The following PPP4R2 variants were observed in gnomAD, a reference collection of about 807,000 sequenced individuals.
PPP4R2 encodes the protein serine/threonine-protein phosphatase 4 regulatory subunit 2.
A neutral mutation model predicts 47.2 loss-of-function variants in PPP4R2; 13 were observed. That is an observed-to-expected ratio of 0.28 (90% CI 0.18 to 0.44). The LOEUF is 0.44. Ranked by LOEUF, PPP4R2 falls within the 20% of genes least tolerant of loss-of-function variation. PPP4R2 has a pLI of 1.00. For missense variants in PPP4R2, 421 were observed against 491.2 expected, an observed-to-expected ratio of 0.86 and a Z score of 1.35; for synonymous variants, 151 against 163.3, an observed-to-expected ratio of 0.92 and a Z score of 0.57.
chr3:73,038,514 G>C (rs1702310879), intron 2 of PPP4R2, among the ~76,000 whole-genome samples: 1 of 152,050 alleles, frequency 6.6e-6, no homozygotes, highest in Non-Finnish European at 1.5e-5. Flanking sequence ...TCCTGCCTCA[G>C]ACTCCTGAGT....
At chr3:73,021,880 G>GTATATATATGCATA (rs1553646882) in intron 2 of PPP4R2, among the ~76,000 whole-genome samples, 1 of 135,342 alleles carries the variant, frequency 7.4e-6, no homozygotes, top group African/African-American at 2.8e-5. Context: ...GTGTGTGTGT[G>GTATATATATGCATA]TATATATGCA....
intron 2 of PPP4R2, among the ~76,000 whole-genome samples, chr3:73,024,800 T>G (rs1213776747): frequency 2.6e-5 from 4 of 152,120 alleles, no homozygotes; most frequent in Admixed American, 6.6e-5. Context: ...AATTTTTGCT[T>G]CCAAGCAGCA....
At chr3:73,065,282 C>A in intron 8 of PPP4R2, 115 bp from the exon 9 acceptor site, 1 of 1,293,058 alleles carries the variant, frequency 7.7e-7, no homozygotes, top group Non-Finnish European at 1.0e-6. Context: ...TATGTAGTTG[C>A]TGCTGAATTT....
Position 73,047,281 on chromosome 3 carries a change from C to T in PPP4R2, c.212C>T (p.Pro71Leu). ...RTSAPEPRGP[P>L]NPNVEYIPFD... ...TCAGCTCCTGAGCCAAGAGGTCCTC[C>T]CAACCCTAATGTCGAATATATTCCC... The change falls in exon 3 of 9, where the codon CCC becomes CTC. Residue 71 changes from proline to leucine, a missense_variant. Physicochemically the swap from Pro to Leu is moderately conservative, Grantham distance 98. Coordinates refer to ENST00000356692, the MANE Select transcript of PPP4R2 (RefSeq NM_174907.4). 1 of 1,611,300 alleles carries T rather than the reference C, an allele frequency of 6.2e-7. No individual in the cohort carries two copies. The highest frequency in any genetic ancestry group is 8.5e-7 in the Non-Finnish European group (1 of 1,178,280).
intron 2 of PPP4R2, among the ~76,000 whole-genome samples, chr3:73,030,767 A>G (rs772976342): frequency 4.0e-5 from 6 of 151,338 alleles, no homozygotes; most frequent in Non-Finnish European, 8.8e-5. Context: ...CAGTGGCGTG[A>G]TCTCAGTCAC....
chr3:73,010,612 G>A (rs780244118), intron 2 of PPP4R2, among the ~76,000 whole-genome samples: 32 of 151,166 alleles, frequency 2.1e-4, no homozygotes, highest in Non-Finnish European at 4.0e-4. Flanking sequence ...AGGCTGGAGT[G>A]CAGTGGTGCA....
chr3:73,027,583 A>T (rs1315730902), intron 2 of PPP4R2, among the ~76,000 whole-genome samples: 1 of 152,086 alleles, frequency 6.6e-6, no homozygotes, highest in Admixed American at 6.6e-5. Flanking sequence ...CAATCACCAG[A>T]TAATTATTGA....
At chr3:73,057,075 G>A (rs189060001) in intron 3 of PPP4R2, among the ~76,000 whole-genome samples, 1 of 152,250 alleles carries the variant, frequency 6.6e-6, no homozygotes, top group African/African-American at 2.4e-5. Flanking sequence ...GCTTAGGTGT[G>A]TTGTGTGTGT....
At chr3:73,065,277 A>T in intron 8 of PPP4R2, 120 bp from the exon 9 acceptor site, 2 of 1,283,900 alleles carry the variant, frequency 1.6e-6, no homozygotes, top group Non-Finnish European at 2.1e-6. Context: ...ACCTGTATGT[A>T]GTTGCTGCTG....
At chr3:73,062,426 T>C in intron 5 of PPP4R2, 2 of 1,611,526 alleles carry the variant, frequency 1.2e-6, no homozygotes, top group Non-Finnish European at 1.7e-6. Flanking sequence ...ACCCAGCACA[T>C]AAATCTCATT....
At position 73,064,833 on chromosome 3, in the gene PPP4R2, T is replaced by C; in HGVS notation, c.639-19T>C. 1.3e-6 allele frequency: 2 copies of C among 1,559,768 alleles called. No homozygotes were observed. The highest frequency in any genetic ancestry group is 1.7e-6 in the Non-Finnish European group (2 of 1,157,772). On this transcript the variant is annotated intron_variant, in intron 7 of 8. Coordinates refer to ENST00000356692, the MANE Select transcript of PPP4R2 (RefSeq NM_174907.4). ...GGGAAAATAATCTTATTAATGACAC[T>C]TTAAAAAAACATTTACAGTGACTCT... is the stretch of plus-strand genomic sequence containing the variant.
intron 2 of PPP4R2, among the ~76,000 whole-genome samples, chr3:73,045,935 C>G (rs1702475990): frequency 6.6e-6 from 1 of 152,156 alleles, no homozygotes; most frequent in Non-Finnish European, 1.5e-5. Context: ...TCTCATACCT[C>G]TTTGATATGC....
At chr3:73,006,751 C>T (rs867631578) in intron 2 of PPP4R2, among the ~76,000 whole-genome samples, 2 of 152,202 alleles carry the variant, frequency 1.3e-5, no homozygotes, top group Non-Finnish European at 2.9e-5. Context: ...TCACTCATTG[C>T]TAGAGTTGGC....
chr3:73,044,220 TTTG>T lies in PPP4R2; in HGVS notation c.117-2945_117-2943del, dbSNP rs35270798. On this transcript the variant is annotated intron_variant, in intron 2 of 8. Coordinates refer to ENST00000356692, the MANE Select transcript of PPP4R2 (RefSeq NM_174907.4). ...TGAATCATAGGGTGGTTTCATAATT[TTTG>T]TTGTTGTTGTTGTTGTTGTTTTTGG... is the stretch of plus-strand genomic sequence containing the variant. Among the ~76,000 whole-genome samples, 53 of 150,976 alleles carry T rather than the reference TTTG, an allele frequency of 3.5e-4. No individual in the cohort carries two copies. In the South Asian group the frequency reaches 4.4e-3, roughly 13 times the overall value.
At chr3:73,024,057 T>G (rs961449506) in intron 2 of PPP4R2, among the ~76,000 whole-genome samples, 2 of 152,072 alleles carry the variant, frequency 1.3e-5, no homozygotes, top group African/African-American at 4.8e-5. Flanking sequence ...ATATTAAAAA[T>G]AAAATAGATT....
At chr3:73,063,944 C>A in intron 6 of PPP4R2, 59 bp from the exon 7 acceptor site, 1 of 1,473,728 alleles carries the variant, frequency 6.8e-7, no homozygotes, top group Non-Finnish European at 9.3e-7. Flanking sequence ...CATCAACATA[C>A]CTTAAGAGGG....
chr3:73,021,697 A>G (rs893152311), intron 2 of PPP4R2, among the ~76,000 whole-genome samples: 3 of 152,034 alleles, frequency 2.0e-5, no homozygotes, highest in Admixed American at 2.0e-4. Context: ...TCTCATGTTT[A>G]TTAAGGTATC....
rs138971519 is a variant in PPP4R2 at position 73,059,480 on chromosome 3, A to G, written c.381+350A>G. On this transcript the variant is annotated intron_variant, in intron 4 of 8. Coordinates refer to ENST00000356692, the MANE Select transcript of PPP4R2 (RefSeq NM_174907.4). ...CTTACACATGGAATTCATTTTCTCAATTCTGGAGTTCAAAGGTACATAACT... is the reference window on the plus strand; with the variant it reads ...CTTACACATGGAATTCATTTTCTCAGTTCTGGAGTTCAAAGGTACATAACT... Among the ~76,000 whole-genome samples the G allele has an allele frequency of 3.3e-5, 5 of 152,316 alleles. No individual in the cohort carries two copies. The South Asian group carries it at 6.2e-4, about 19-fold the overall frequency.
At chr3:72,997,252 C>G in intron 1 of PPP4R2, 181 bp downstream of exon 1, 1 of 435,894 alleles carries the variant, frequency 2.3e-6, no homozygotes, top group Admixed American at 4.4e-5. Context: ...CTCTCCCGCC[C>G]CGCTCTGGCT....
Sources: allele counts gnomAD v4.1 joint callset (sites outside exome capture counted in the v4.1 genomes callset), GRCh38; gene constraint gnomAD v4.1.1; transcripts MANE v1.5; gene names NCBI Gene and HGNC (gene_info 2026-07-23, HGNC 2026-07-21).